Variants in CDYL observed in about 807,000 individuals in gnomAD.
CDYL encodes the protein chromodomain Y-like protein.
A neutral mutation model predicts 47.3 loss-of-function variants in CDYL; 8 were observed. That is an observed-to-expected ratio of 0.17 (90% CI 0.10 to 0.31). The LOEUF (loss-of-function observed/expected upper bound fraction) is 0.31. CDYL is among the 10% of genes least tolerant of loss of function. CDYL has a pLI of 1.00. For synonymous variants in CDYL, 266 were observed against 265.0 expected, an observed-to-expected ratio of 1.00 and a Z score of -0.04; for missense variants, 471 against 701.4, an observed-to-expected ratio of 0.67 and a Z score of 3.71.
intron 2 of CDYL, among the ~76,000 whole-genome samples, chr6:4,722,235 G>A (rs184589056): frequency 6.6e-6 from 1 of 152,044 alleles, no homozygotes; most frequent in South Asian, 2.1e-4. Context: ...GGAGGCCAAT[G>A]GGGGGAGGAA....
chr6:4,777,633 T>G (rs1168542633), intron 1 of CDYL, among the ~76,000 whole-genome samples: 1 of 152,232 alleles, frequency 6.6e-6, no homozygotes, highest in African/African-American at 2.4e-5. Context: ...TATTTATAAA[T>G]AAGTTCCTAA....
At chr6:4,805,541 C>T (rs1480754264) in intron 1 of CDYL, among the ~76,000 whole-genome samples, 1 of 152,112 alleles carries the variant, frequency 6.6e-6, no homozygotes, top group Non-Finnish European at 1.5e-5. Flanking sequence ...GCCTAGAAGT[C>T]CCATGATCTG....
At chr6:4,788,778 G>A (rs1006617820) in intron 1 of CDYL, among the ~76,000 whole-genome samples, 5 of 151,636 alleles carry the variant, frequency 3.3e-5, no homozygotes, top group African/African-American at 4.9e-5. Context: ...AGTGTGACCC[G>A]TGTTTCTCCG....
intron 2 of CDYL, among the ~76,000 whole-genome samples, chr6:4,919,956 C>CT (rs1757665416): frequency 7.3e-6 from 1 of 137,230 alleles, no homozygotes; most frequent in Admixed American, 7.6e-5. Context: ...ACCCAAGTGT[C>CT]TATCATCAGC....
chr6:4,724,696 C>T (rs1035818241), intron 2 of CDYL: 2 of 152,158 alleles, frequency 1.3e-5, no homozygotes, highest in African/African-American at 4.8e-5. Context: ...TGCAGCGCGT[C>T]TGGAATTCTT....
At chr6:4,942,322 C>A (rs1393102500) in intron 4 of CDYL, among the ~76,000 whole-genome samples, 1 of 152,132 alleles carries the variant, frequency 6.6e-6, no homozygotes, top group African/African-American at 2.4e-5. Context: ...CCCTGACCTG[C>A]CCCTGCCAAA....
chr6:4,735,427 A>T lies in CDYL; in HGVS notation c.186+583A>T, dbSNP rs188254278. ...TACTCTAGTAATAATGCTTCTTTTTAAAAAAAATCACTTTATTAGGATATA... is the reference window on the plus strand; with the variant it reads ...TACTCTAGTAATAATGCTTCTTTTTTAAAAAAATCACTTTATTAGGATATA... On this transcript the variant is annotated intron_variant, in intron 3 of 8. Transcript: ENST00000328908. 7.9e-3 allele frequency among the ~76,000 whole-genome samples: 1,203 copies of T among 151,742 alleles called. 8 individuals carry two copies. Among genetic ancestry groups the T allele is most frequent in the Non-Finnish European group, 0.012 (820 of 67,982 alleles).
intron 1 of CDYL, among the ~76,000 whole-genome samples, chr6:4,838,053 C>T (rs1006207759): frequency 1.5e-4 from 23 of 152,028 alleles, no homozygotes; most frequent in African/African-American, 5.1e-4. Context: ...GCTGAGATTA[C>T]ACTTGTGAGC....
chr6:4,842,107 AT>A (rs1266385044), intron 1 of CDYL, among the ~76,000 whole-genome samples: 1 of 143,978 alleles, frequency 6.9e-6, no homozygotes, highest in Non-Finnish European at 1.5e-5. Context: ...ATATATTTAT[AT>A]TATTTATATA....
chr6:4,886,009 GTGAC>G (rs1226930712), intron 1 of CDYL, among the ~76,000 whole-genome samples: 1 of 152,142 alleles, frequency 6.6e-6, no homozygotes, highest in African/African-American at 2.4e-5. Context: ...CATCATGTAT[GTGAC>G]TGACTTCTTT....
At chr6:4,798,406 T>A (rs1759135391) in intron 1 of CDYL, among the ~76,000 whole-genome samples, 1 of 152,234 alleles carries the variant, frequency 6.6e-6, no homozygotes, top group East Asian at 1.9e-4. Context: ...TTACCGTTTT[T>A]ATCAGTCTTA....
chr6:4,898,137 G>T (rs1290669891), intron 2 of CDYL, among the ~76,000 whole-genome samples: 1 of 152,060 alleles, frequency 6.6e-6, no homozygotes, highest in Non-Finnish European at 1.5e-5. Context: ...TGGGAGGATT[G>T]CTTGAGCCCA....
intron 1 of CDYL, among the ~76,000 whole-genome samples, chr6:4,857,944 G>A (rs1178325996): frequency 6.6e-6 from 1 of 152,110 alleles, no homozygotes; most frequent in East Asian, 1.9e-4. Context: ...ATTTAAAGAC[G>A]TGGATTTGCC....
chr6:4,865,636 G>A (rs1425495488), intron 1 of CDYL, among the ~76,000 whole-genome samples: 2 of 152,186 alleles, frequency 1.3e-5, no homozygotes, highest in African/African-American at 4.8e-5. Context: ...GGTAAAAAAG[G>A]ATTAAATTTC....
rs189012947 is a variant in CDYL, at chr6:4,776,776, C to T, written c.-8C>T. 609 of 1,218,236 alleles carry T rather than the reference C, an allele frequency of 5.0e-4. 10 individuals carry two copies. The East Asian group carries it at 0.024, about 48-fold the overall frequency. The allele number at this position is 1,218,236 out of a possible 1,614,324, so 75.5% of individuals were successfully genotyped here. On this transcript the variant is annotated 5_prime_UTR_variant, in exon 1 of 7. Coordinates refer to ENST00000397588, the MANE Select transcript of CDYL (RefSeq NM_004824.4). ...CTGCCCCTCCCGCCCGCAACTCCGC[C>T]GCCCACCATGGCTTCCGAGGAGCTG...
intron 2 of CDYL, among the ~76,000 whole-genome samples, chr6:4,899,775 C>T (rs1335015846): frequency 2.6e-5 from 4 of 152,172 alleles, no homozygotes; most frequent in African/African-American, 9.7e-5. Flanking sequence ...ATTCTGATTC[C>T]CGTCAGAAGT....
chr6:4,742,070 G>A (rs2127417255), intron 3 of CDYL, among the ~76,000 whole-genome samples: 1 of 152,142 alleles, frequency 6.6e-6, no homozygotes, highest in East Asian at 1.9e-4. Context: ...CATTAGAAAA[G>A]CAGGGAAAGG....
At chr6:4,809,376 T>C (rs1009803754) in intron 1 of CDYL, among the ~76,000 whole-genome samples, 1 of 152,246 alleles carries the variant, frequency 6.6e-6, no homozygotes, top group Non-Finnish European at 1.5e-5. Context: ...TTTGTAATTA[T>C]AAACGGTGTT....
At chr6:4,860,054 A>T (rs1415017986) in intron 1 of CDYL, among the ~76,000 whole-genome samples, 4 of 151,764 alleles carry the variant, frequency 2.6e-5, no homozygotes, top group Non-Finnish European at 5.9e-5. Flanking sequence ...GGCGCCCGCC[A>T]CTACCCCCAG....
Sources: allele counts gnomAD v4.1 joint callset (sites outside exome capture counted in the v4.1 genomes callset), GRCh38; gene constraint gnomAD v4.1.1; transcripts MANE v1.5; gene names NCBI Gene and HGNC (gene_info 2026-07-23, HGNC 2026-07-21).